SND1: variants seen among roughly 807,000 people sequenced by gnomAD.
SND1 encodes the protein staphylococcal nuclease domain-containing protein 1.
Under a neutral mutation model 121.7 loss-of-function variants are expected in SND1, and 38 were observed. The ratio of observed to expected loss-of-function variants is 0.31; its 90% CI spans 0.24 to 0.41. The LOEUF is 0.41. Ranked by LOEUF, SND1 falls within the 10% of genes least tolerant of loss-of-function variation. The pLI is 1.00. For missense variants in SND1, 868 were observed against 1,184.6 expected (o/e 0.73, Z 3.92); for synonymous variants, 401 against 447.4 (o/e 0.90, Z 1.31).
At chr7:127,961,403 G>A (rs940999864) in intron 15 of SND1, among the ~76,000 whole-genome samples, 3 of 152,034 alleles carry the variant, frequency 2.0e-5, no homozygotes, top group African/African-American at 4.8e-5. Context: ...TCTTTATTCC[G>A]AGCCACTTGA....
Position 127,704,860 on chromosome 7 carries a change from C to A in SND1, c.862C>A (p.Leu288Ile). ...LHPNGNITELLLKEGFARCVD... is the reference protein window; with the variant it reads ...LHPNGNITELILKEGFARCVD... ...TCAGAATGGCAACATCACAGAGCTCCTCCTGAAGGAAGGTTTCGCACGCTG... is the reference window on the plus strand; with the variant it reads ...TCAGAATGGCAACATCACAGAGCTCATCCTGAAGGAAGGTTTCGCACGCTG... The change falls in exon 8 of 24, where the codon CTC (leucine) becomes ATC (isoleucine). Residue 288 changes from leucine to isoleucine, a missense_variant. Physicochemically the swap from Leu to Ile is conservative, Grantham distance 5. Coordinates refer to ENST00000354725, the MANE Select transcript of SND1 (RefSeq NM_014390.4). 1 of 1,614,032 alleles carries A rather than the reference C, an allele frequency of 6.2e-7. No individual in the cohort carries two copies. Among genetic ancestry groups the A allele is most frequent in the Non-Finnish European group, 8.5e-7 (1 of 1,179,928 alleles).
At chr7:127,938,794 A>G (rs1258530583) in intron 15 of SND1, among the ~76,000 whole-genome samples, 4 of 152,142 alleles carry the variant, frequency 2.6e-5, no homozygotes, top group Non-Finnish European at 5.9e-5. Flanking sequence ...GAAACCTCCA[A>G]TTACACCAGG....
chr7:127,997,281 T>C (rs1369806728), intron 16 of SND1, among the ~76,000 whole-genome samples: 1 of 152,248 alleles, frequency 6.6e-6, no homozygotes, highest in African/African-American at 2.4e-5. Context: ...TTTTACCATT[T>C]TTCAACCATA....
intron 12 of SND1, among the ~76,000 whole-genome samples, chr7:127,864,086 G>A (rs1475540954): frequency 1.3e-5 from 2 of 152,038 alleles, no homozygotes; most frequent in African/African-American, 2.4e-5. Flanking sequence ...TATACTTGAT[G>A]ATGTATAAAT....
At chr7:128,041,086 A>G (rs191829236) in intron 16 of SND1, among the ~76,000 whole-genome samples, 35 of 152,130 alleles carry the variant, frequency 2.3e-4, no homozygotes, top group Middle Eastern at 6.8e-3. Context: ...TGTAGCTGGT[A>G]CTCTTCATCC....
chr7:127,820,163 G>A (rs1274845331), intron 11 of SND1, among the ~76,000 whole-genome samples: 1 of 152,154 alleles, frequency 6.6e-6, no homozygotes, highest in Non-Finnish European at 1.5e-5. Context: ...GTTAGTTACT[G>A]GGGAAAGGAA....
chr7:127,747,251 A>G (rs1796998581), intron 10 of SND1, among the ~76,000 whole-genome samples: 1 of 152,220 alleles, frequency 6.6e-6, no homozygotes, highest in African/African-American at 2.4e-5. Flanking sequence ...CTATCATTAA[A>G]TGAATTGTCA....
intron 8 of SND1, among the ~76,000 whole-genome samples, chr7:127,706,738 A>T (rs1416634439): frequency 1.3e-5 from 2 of 152,196 alleles, no homozygotes; most frequent in Non-Finnish European, 2.9e-5. Flanking sequence ...GCTGTTTTGC[A>T]TGCTGTATTT....
At chr7:127,968,612 G>A (rs967163261) in intron 15 of SND1, among the ~76,000 whole-genome samples, 2 of 152,210 alleles carry the variant, frequency 1.3e-5, no homozygotes, top group South Asian at 2.1e-4. Flanking sequence ...CATATAGTTT[G>A]CACACAGAGT....
chr7:127,763,179 T>C (rs572742007), intron 10 of SND1, among the ~76,000 whole-genome samples: 2 of 152,326 alleles, frequency 1.3e-5, no homozygotes, highest in East Asian at 1.9e-4. Context: ...ATAAAATATA[T>C]ATAAATGTTA....
At chr7:127,772,453 A>C (rs1262020029) in intron 10 of SND1, among the ~76,000 whole-genome samples, 1 of 152,180 alleles carries the variant, frequency 6.6e-6, no homozygotes, top group East Asian at 1.9e-4. Flanking sequence ...AAACAGAAGT[A>C]ATGTCTGTGA....
chr7:127,921,093 C>T (rs767625321), intron 14 of SND1, among the ~76,000 whole-genome samples: 1 of 152,186 alleles, frequency 6.6e-6, no homozygotes, highest in African/African-American at 2.4e-5. Context: ...TTGGGTATTA[C>T]TTTATTCACA....
chr7:127,963,901 C>T, intron 15 of SND1, among the ~76,000 whole-genome samples: 1 of 115,238 alleles, frequency 8.7e-6, no homozygotes, highest in East Asian at 2.8e-4. Context: ...TTCTCCACAT[C>T]CTCTCCAGCA....
chr7:127,689,554 C>T (rs1400831750), intron 2 of SND1, among the ~76,000 whole-genome samples: 1 of 152,160 alleles, frequency 6.6e-6, no homozygotes, highest in Admixed American at 6.5e-5. Flanking sequence ...AACTGTATCC[C>T]ATGTTAACAG....
At chr7:127,943,086 G>A (rs1349720757) in intron 15 of SND1, among the ~76,000 whole-genome samples, 1 of 152,194 alleles carries the variant, frequency 6.6e-6, no homozygotes, top group African/African-American at 2.4e-5. Context: ...AGTGCTGGGT[G>A]GTTGGTAGCT....
chr7:127,704,801 C>G, intron 7 of SND1, 38 bp from the exon 8 acceptor site: 1 of 1,504,864 alleles, frequency 6.6e-7, no homozygotes, highest in Non-Finnish European at 9.2e-7. Flanking sequence ...ACAACAGAGT[C>G]TAATCCGTGC....
intron 3 of SND1, among the ~76,000 whole-genome samples, chr7:127,697,198 CA>C (rs1277916255): frequency 6.6e-6 from 1 of 152,158 alleles, no homozygotes; most frequent in Non-Finnish European, 1.5e-5. Context: ...GTGACTTGGT[CA>C]AATTCAGAAT....
intron 12 of SND1, among the ~76,000 whole-genome samples, chr7:127,880,106 A>C (rs1255791722): frequency 1.3e-5 from 2 of 152,188 alleles, no homozygotes; most frequent in Non-Finnish European, 2.9e-5. Flanking sequence ...TTCGGTGAAG[A>C]GATATCTCAC....
intron 16 of SND1, among the ~76,000 whole-genome samples, chr7:128,072,841 G>T (rs2117048256): frequency 6.6e-6 from 1 of 152,326 alleles, no homozygotes; most frequent in South Asian, 2.1e-4. Context: ...CTCAGATTTT[G>T]CCCACCTGCC....
Sources: gnomAD v4.1 joint callset for allele counts (sites outside exome capture counted in the v4.1 genomes callset) on GRCh38, gnomAD v4.1.1 for gene constraint, MANE v1.5 for transcripts, NCBI Gene and HGNC (gene_info 2026-07-23, HGNC 2026-07-21) for gene names.